CCDC88C: variants seen among roughly 807,000 people sequenced by gnomAD.
The protein encoded by CCDC88C is protein Daple.
In CCDC88C, 131 loss-of-function variants were observed where a neutral mutation model predicts 198.8. The observed-to-expected ratio is 0.66, with a 90% CI of 0.57 to 0.76. The LOEUF (loss-of-function observed/expected upper bound fraction) is 0.76. Ranked by LOEUF, CCDC88C falls within the 30% of genes least tolerant of loss-of-function variation. The probability of loss-of-function intolerance (pLI) is 0.00; values close to 1 mark genes in which losing one functional copy is unlikely to be tolerated. For missense variants in CCDC88C, 2,553 were observed against 2,631.6 expected, an observed-to-expected ratio of 0.97 and a Z score of 0.65; for synonymous variants, 1,166 against 1,114.7, an observed-to-expected ratio of 1.05 and a Z score of -0.92.
At chr14:91,283,906 G>A (rs1008114476) in intron 25 of CCDC88C, among the ~76,000 whole-genome samples, 5 of 152,238 alleles carry the variant, frequency 3.3e-5, no homozygotes, top group African/African-American at 1.2e-4. Flanking sequence ...AAGGATCCAA[G>A]CCTGTAGCTG....
At chr14:91,318,439 T>C (rs890262281) in intron 13 of CCDC88C, among the ~76,000 whole-genome samples, 1 of 152,160 alleles carries the variant, frequency 6.6e-6, no homozygotes, top group East Asian at 1.9e-4. Flanking sequence ...ACTTTCCCCA[T>C]GCTGCCCTGC....
At chr14:91,395,731 C>T (rs1483992820) in intron 3 of CCDC88C, among the ~76,000 whole-genome samples, 1 of 152,104 alleles carries the variant, frequency 6.6e-6, no homozygotes, top group Non-Finnish European at 1.5e-5. Flanking sequence ...CTAAGGAAAG[C>T]AACCAGAGGC....
intron 4 of CCDC88C, among the ~76,000 whole-genome samples, chr14:91,356,961 G>A (rs183810870): frequency 2.0e-5 from 3 of 152,310 alleles, no homozygotes; most frequent in African/African-American, 7.2e-5. Context: ...AAAAGGCGGG[G>A]AGAAGGATGC....
At position 91,308,376 on chromosome 14, in the gene CCDC88C, C is replaced by A; in HGVS notation, c.2981G>T (p.Arg994Leu). ...AQMEEKASLN[R>L]QLESELQMLK... ...CATCTGCAGCTCACTCTCTAACTGG[C>A]GATTTAGGCTCGCTTTCTCTTCCAT... The change falls in exon 17 of 30, where the codon CGC becomes CTC. Residue 994 changes from arginine (R) to leucine (L), a missense_variant. This residue lies in a region of CCDC88C where 1,260 missense variants were observed against 1,412.0 expected (regional missense o/e 0.89). Transcript: ENST00000389857. 1 of 1,614,018 alleles carries A rather than the reference C, an allele frequency of 6.2e-7. No homozygotes were observed. The highest frequency in any genetic ancestry group is 8.5e-7 in the Non-Finnish European group (1 of 1,179,878).
At chr14:91,396,041 A>C (rs1885817475) in intron 3 of CCDC88C, among the ~76,000 whole-genome samples, 1 of 152,210 alleles carries the variant, frequency 6.6e-6, no homozygotes, top group African/African-American at 2.4e-5. Flanking sequence ...TCTCATTACT[A>C]GAAAAATAAG....
chr14:91,281,448 C>T lies in CCDC88C; in HGVS notation c.4699+9G>A. 2 of 1,613,866 alleles carry T rather than the reference C, an allele frequency of 1.2e-6. No individual in the cohort carries two copies. The highest frequency in any genetic ancestry group is 1.3e-5 in the African/African-American group (1 of 75,042). The stretch of plus-strand genomic sequence containing the variant: ...CCAGGCTGGAGGACACAGCACCCTC[C>T]CTACTCACCGTACTGCCTGTGGTTG... On this transcript the variant is annotated intron_variant, in intron 27 of 29. Transcript: ENST00000389857.
At chr14:91,412,050 C>A (rs908119375) in intron 2 of CCDC88C, among the ~76,000 whole-genome samples, 1 of 151,558 alleles carries the variant, frequency 6.6e-6, no homozygotes. Flanking sequence ...GTAACCTTGC[C>A]CCCCTCCTTT....
At chr14:91,307,303 C>A in intron 17 of CCDC88C, 77 bp from the exon 18 acceptor site, 1 of 1,247,658 alleles carries the variant, frequency 8.0e-7, no homozygotes. Flanking sequence ...TGGCTGAGGG[C>A]AACCTGCACC....
In CCDC88C at chr14:91,338,898, C is replaced by A; in HGVS notation, c.810-328G>T. The stretch of plus-strand genomic sequence containing the variant: ...GGTGACATCCATCAGCTGCAGGAAA[C>A]CTGGGAGAACAGGCTCACCAGATTG... On this transcript the variant is annotated intron_variant, in intron 8 of 29. Coordinates refer to ENST00000389857, the MANE Select transcript of CCDC88C (RefSeq NM_001080414.4). The surrounding 1 kb of genome is among the most constrained non-coding windows in gnomAD (Gnocchi z 4.8). The A allele has an allele frequency of 2.1e-6, 1 of 475,378 alleles. No individual in the cohort carries two copies. Among genetic ancestry groups the A allele is most frequent in the Non-Finnish European group, 3.9e-6 (1 of 258,662 alleles). 29.4% of individuals were successfully genotyped at this position (475,378 alleles called of 1,614,324 possible). A position where few individuals can be genotyped will look rare whatever the true frequency, so the allele number is the denominator to read the frequency against.
Position 91,278,127 on chromosome 14 carries a change from C to T in CCDC88C, c.4853G>A (p.Arg1618Gln), listed in dbSNP as rs780007543. Residue 1618 changes from arginine (R) to glutamine (Q), a missense_variant, in exon 29 of 30, where the codon CGG (arginine) becomes CAG (glutamine). Physicochemically the swap from Arg to Gln is conservative, Grantham distance 43 (BLOSUM62 1). Coordinates refer to ENST00000389857, the MANE Select transcript of CCDC88C (RefSeq NM_001080414.4). ...GTTGCGTCCCGGTGTGCTGGCTTCC[C>T]GGGGCAAAGTGGCCAGGTCCCTGCT... ...IPSRDLATLP[R>Q]EASTPGRNAL... 38 of 1,613,158 alleles carry T rather than the reference C, an allele frequency of 2.4e-5. No homozygotes were observed. The highest frequency in any genetic ancestry group is 3.3e-5 in the South Asian group (3 of 90,958).
At chr14:91,320,324 T>C (rs895914244) in intron 13 of CCDC88C, among the ~76,000 whole-genome samples, 5 of 152,196 alleles carry the variant, frequency 3.3e-5, no homozygotes, top group Admixed American at 6.5e-5. Flanking sequence ...GCCTATATAA[T>C]GAAACCTCCA....
In CCDC88C at chr14:91,371,186, GC is replaced by G. The variant is rs1242879098; in HGVS notation, c.271-11476del. Among the ~76,000 whole-genome samples, 5 of 152,048 alleles carry G rather than the reference GC, an allele frequency of 3.3e-5. No homozygotes were observed. Among genetic ancestry groups the G allele is most frequent in the Non-Finnish European group, 5.9e-5 (4 of 68,032 alleles). ...TCCAGTGCTTGGAGTTGATATAAGG[GC>G]CCTGATTTTATGGCCGTGAGGGATC... is the stretch of plus-strand genomic sequence containing the variant. On this transcript the variant is annotated intron_variant, in intron 3 of 29. Transcript: ENST00000389857. This position sits in a 1 kb window ranked among gnomAD's most constrained non-coding sequence, Gnocchi z 4.2.
In CCDC88C at chr14:91,415,559, AAAAATAC is replaced by A. The variant is rs1263011253; in HGVS notation, c.161+1172_161+1178del. 2.6e-5 allele frequency among the ~76,000 whole-genome samples: 4 copies of A among 152,212 alleles called. No individual in the cohort carries two copies. In the East Asian group the frequency reaches 7.7e-4, roughly 29 times the overall value. ...AACATGGAGAAACCCCATTTCTACTAAAAATACAAAATTAGCCGGGCGTGGTGGCGCA... is the reference window on the plus strand; with the variant it reads ...AACATGGAGAAACCCCATTTCTACTAAAAATTAGCCGGGCGTGGTGGCGCA... On this transcript the variant is annotated intron_variant, in intron 2 of 29. Transcript: ENST00000389857.
At chr14:91,382,080 C>T (rs867825051) in intron 3 of CCDC88C, among the ~76,000 whole-genome samples, 1 of 152,060 alleles carries the variant, frequency 6.6e-6, no homozygotes, top group Non-Finnish European at 1.5e-5. Flanking sequence ...AGTTTCAGAC[C>T]CGCCATTAAA....
chr14:91,409,296 T>C (rs1301133445), intron 2 of CCDC88C, among the ~76,000 whole-genome samples: 1 of 151,878 alleles, frequency 6.6e-6, no homozygotes, highest in Non-Finnish European at 1.5e-5. Flanking sequence ...TCAAGGGATC[T>C]TCCTGTCTCA....
At chr14:91,368,338 A>G (rs541501377) in intron 3 of CCDC88C, among the ~76,000 whole-genome samples, 3 of 152,258 alleles carry the variant, frequency 2.0e-5, no homozygotes, top group African/African-American at 7.2e-5. Context: ...TTTCAGAGGG[A>G]AAAAAAGCTT....
chr14:91,344,732 C>T (rs1174778315), intron 4 of CCDC88C, among the ~76,000 whole-genome samples: 2 of 151,850 alleles, frequency 1.3e-5, no homozygotes, highest in African/African-American at 4.8e-5. Flanking sequence ...ATCTCCTGAC[C>T]TCGTGATCCG....
At position 91,313,688 on chromosome 14, in the gene CCDC88C, G is replaced by A. The variant is rs201809611; in HGVS notation, c.2128C>T (p.Arg710Cys). ...KQLDAENLEL[R>C]RLVETMRFTS... ...AAGCGCATGGTCTCCACCAGCCTGC[G>A]CAGCTCCAGGTTCTCTGCGTCCAGC... The change falls in exon 15 of 30, where the codon CGC (arginine) becomes TGC (cysteine). Residue 710 changes from arginine to cysteine, a missense_variant. Transcript: ENST00000389857. The surrounding 1 kb of genome is among the most constrained non-coding windows in gnomAD (Gnocchi z 5.2). 197 of 1,611,594 alleles carry A rather than the reference G, an allele frequency of 1.2e-4. No homozygotes were observed. Among genetic ancestry groups the A allele is most frequent in the Admixed American group, 3.3e-4 (20 of 60,016 alleles).
rs373075127 is a variant in CCDC88C, at chr14:91,301,695, C to T, written c.3636-1625G>A. Among the ~76,000 whole-genome samples, 47 of 152,122 alleles carry T rather than the reference C, an allele frequency of 3.1e-4. 1 individual carries two copies. The East Asian group carries it at 5.0e-3, about 16-fold the overall frequency. On this transcript the variant is annotated intron_variant, in intron 20 of 29. Transcript: ENST00000389857. ...TCGCTCCACTGCACTCCAGCCTGGGCGACAGAGTGAGACTCCATCTCAAAA... is the reference window on the plus strand; with the variant it reads ...TCGCTCCACTGCACTCCAGCCTGGGTGACAGAGTGAGACTCCATCTCAAAA...
Sources: allele counts gnomAD v4.1 joint callset (sites outside exome capture counted in the v4.1 genomes callset), GRCh38; gene constraint gnomAD v4.1.1; regional missense constraint gnomAD v4.1.1; non-coding constraint Gnocchi (gnomAD v3.1); transcripts MANE v1.5; gene names NCBI Gene and HGNC (gene_info 2026-07-23, HGNC 2026-07-21).